KNL1: variants seen among roughly 807,000 people sequenced by gnomAD.
KNL1 encodes the protein outer kinetochore KNL1 complex subunit KNL1.
A neutral mutation model predicts 201.3 loss-of-function variants in KNL1; 66 were observed. The ratio of observed to expected loss-of-function variants is 0.33; its 90% CI spans 0.27 to 0.40. The LOEUF (loss-of-function observed/expected upper bound fraction) is 0.40. KNL1 is among the 10% of genes least tolerant of loss of function. The pLI is 1.00. For missense variants in KNL1, 2,815 were observed against 2,690.5 expected (o/e 1.05, Z -1.02); for synonymous variants, 895 against 899.2 (o/e 1.00, Z 0.08).
At chr15:40,655,371 A>C (rs1893692942) in intron 22 of KNL1, among the ~76,000 whole-genome samples, 1 of 152,056 alleles carries the variant, frequency 6.6e-6, no homozygotes. Flanking sequence ...AGGAAGGCAG[A>C]TCACAAGGTC....
intron 17 of KNL1, among the ~76,000 whole-genome samples, chr15:40,649,609 A>C (rs1893493867): frequency 7.1e-6 from 1 of 140,950 alleles, no homozygotes; most frequent in African/African-American, 2.6e-5. Flanking sequence ...CTTTTATTTA[A>C]AAAAAAAAAA....
In KNL1 at chr15:40,640,930, C is replaced by T. The variant is rs1433022828; in HGVS notation, c.5701C>T (p.Pro1901Ser). 6.2e-7 allele frequency: 1 copy of T among 1,611,592 alleles called. No homozygotes were observed. The highest frequency in any genetic ancestry group is 1.7e-5 in the Admixed American group (1 of 59,912). ...LPGNFTVNTPPTPEDLMLSQY... is the reference protein window; with the variant it reads ...LPGNFTVNTPSTPEDLMLSQY... Reference sequence around the variant, plus strand: ...TTTCCAGTTTACTGTAAACACACCACCTACTCCAGAAGACCTGATGTTAAG... The same window carrying T: ...TTTCCAGTTTACTGTAAACACACCATCTACTCCAGAAGACCTGATGTTAAG... Residue 1901 changes from proline to serine, a missense_variant, in exon 14 of 26, where the codon CCT (proline) becomes TCT (serine). Transcript: ENST00000399668.
chr15:40,624,916 T>C lies in KNL1; in HGVS notation c.4652T>C (p.Val1551Ala), dbSNP rs759304703. ...EAPDPVITSN[V>A]PCFHSIKPNL... ...CCAGATCCTGTAATTACATCTAATG[T>C]TCCATGTTTTCATAGTATCAAACCA... The change falls in exon 10 of 26, where the codon GTT becomes GCT. Residue 1551 changes from valine (V) to alanine (A), a missense_variant. Physicochemically the swap from Val to Ala is moderately conservative, Grantham distance 64. Around this residue, in one of 3 missense-constraint regions of KNL1, gnomAD observed 2,464 missense variants for 2,291.7 expected, o/e 1.08. Coordinates refer to ENST00000399668, the MANE Select transcript of KNL1 (RefSeq NM_144508.5). The C allele has an allele frequency of 1.9e-6, 3 of 1,613,192 alleles. No individual in the cohort carries two copies. The East Asian group carries it at 6.7e-5, about 36-fold the overall frequency.
At chr15:40,659,771 C>T (rs980579351) in intron 25 of KNL1, among the ~76,000 whole-genome samples, 3 of 151,850 alleles carry the variant, frequency 2.0e-5, no homozygotes, top group South Asian at 2.1e-4. Flanking sequence ...TGAGCCACCG[C>T]GCCCAGCAAG....
chr15:40,624,458 A>G lies in KNL1; in HGVS notation c.4194A>G (p.Leu1398=), dbSNP rs1892667213. 1 of 1,613,842 alleles carries G rather than the reference A, an allele frequency of 6.2e-7. No individual in the cohort carries two copies. The highest frequency in any genetic ancestry group is 8.5e-7 in the Non-Finnish European group (1 of 1,179,850). ...ATCTGATTAAGGATCCACGAAATCT[A>G]TTGGCTAATCAAACTTTAGTATATA... The part of the protein sequence containing the change: ...DQDLIKDPRN[L]LANQTLVYSQ... Residue 1398 remains leucine (L), a synonymous_variant, in exon 10 of 26, where the codon CTA becomes CTG. Coordinates refer to ENST00000399668, the MANE Select transcript of KNL1 (RefSeq NM_144508.5).
intron 1 of KNL1, among the ~76,000 whole-genome samples, chr15:40,600,340 G>A (rs559243503): frequency 4.6e-5 from 7 of 152,358 alleles, no homozygotes; most frequent in Admixed American, 2.6e-4. Context: ...CTCCCAAAGT[G>A]TTGGGATTAC....
chr15:40,633,778 GC>G (rs1429918601), intron 13 of KNL1, among the ~76,000 whole-genome samples: 1 of 152,206 alleles, frequency 6.6e-6, no homozygotes, highest in East Asian at 1.9e-4. Flanking sequence ...CTGGCCTCAA[GC>G]AATCCTATTT....
intron 22 of KNL1, among the ~76,000 whole-genome samples, chr15:40,655,915 C>CAA (rs201727545): frequency 7.7e-5 from 5 of 65,144 alleles, no homozygotes; most frequent in Non-Finnish European, 6.5e-5. Flanking sequence ...GACTCCGTCT[C>CAA]AAAAAAAAAA....
chr15:40,618,806 T>TA (rs1053671331), intron 8 of KNL1, among the ~76,000 whole-genome samples, 153 bp from the exon 9 acceptor site: 1 of 152,172 alleles, frequency 6.6e-6, no homozygotes, highest in Non-Finnish European at 1.5e-5. Flanking sequence ...TATCAATTTT[T>TA]AAAAAATTAA....
At chr15:40,655,141 T>TA (rs1285359402) in intron 22 of KNL1, among the ~76,000 whole-genome samples, 164 bp downstream of exon 22, 1 of 148,800 alleles carries the variant, frequency 6.7e-6, no homozygotes, top group Admixed American at 6.7e-5. Flanking sequence ...CTGCTAAAAA[T>TA]ACAAAAACTA....
chr15:40,655,941 G>A (rs1465629451), intron 22 of KNL1, among the ~76,000 whole-genome samples: 1 of 151,676 alleles, frequency 6.6e-6, no homozygotes, highest in African/African-American at 2.4e-5. Context: ...AATTATTACT[G>A]GGTCTTGAGC....
rs760023995 is a variant in KNL1, at chr15:40,621,477, G to A, written c.1213G>A (p.Asp405Asn). The change falls in exon 10 of 26, where the codon GAT becomes AAT. Residue 405 changes from aspartate (D) to asparagine (N), a missense_variant. By Grantham distance (23) the Asp-to-Asn change is conservative. Transcript: ENST00000399668. ...CATAGTCTCACAGACTTGTAATCAG[G>A]ATGCCAGAATATTAGCCATGACCCC... ...THIVSQTCNQ[D>N]ARILAMTPES... 4.3e-6 allele frequency: 7 copies of A among 1,613,836 alleles called. No homozygotes were observed. The Admixed American group carries it at 8.3e-5, about 19-fold the overall frequency.
At chr15:40,650,258 C>A in intron 17 of KNL1, 43 bp from the exon 18 acceptor site, 1 of 1,189,076 alleles carries the variant, frequency 8.4e-7, no homozygotes, top group Non-Finnish European at 1.2e-6. Flanking sequence ...TCTTTTTTTA[C>A]TATTTTTCAC....
chr15:40,640,304 C>A (rs1027014133), intron 13 of KNL1, among the ~76,000 whole-genome samples: 1 of 151,840 alleles, frequency 6.6e-6, no homozygotes, highest in African/African-American at 2.4e-5. Flanking sequence ...ACCTATTGGC[C>A]AGGCTGGTCT....
chr15:40,622,062 G>A lies in KNL1; in HGVS notation c.1798G>A (p.Glu600Lys). 2 of 1,613,958 alleles carry A rather than the reference G, an allele frequency of 1.2e-6. No homozygotes were observed. Among genetic ancestry groups the A allele is most frequent in the Non-Finnish European group, 1.7e-6 (2 of 1,179,884 alleles). ...TAATCTAGCACCGGAGAGTACCAGT[G>A]AATCTCACTCTCAGAGCAAAAGCTC... ...AYNLAPESTS[E>K]SHSQSKSSSD... Residue 600 changes from glutamate (E) to lysine (K), a missense_variant, in exon 10 of 26, where the codon GAA (glutamate) becomes AAA (lysine). Around this residue, in one of 3 missense-constraint regions of KNL1, gnomAD observed 2,464 missense variants for 2,291.7 expected, o/e 1.08. Coordinates refer to ENST00000399668, the MANE Select transcript of KNL1 (RefSeq NM_144508.5).
chr15:40,659,894 ATGTGTGTGTGTGTGTGTG>A (rs776409302), intron 25 of KNL1, among the ~76,000 whole-genome samples: 1 of 146,872 alleles, frequency 6.8e-6, no homozygotes, highest in African/African-American at 2.5e-5. Flanking sequence ...TGAAGAATTT[ATGTGTGTGTGTGTGTGTG>A]TGTGTGTGTG....
Position 40,624,058 on chromosome 15 carries a change from G to A in KNL1, c.3794G>A (p.Cys1265Tyr). 4 of 1,614,004 alleles carry A rather than the reference G, an allele frequency of 2.5e-6. No homozygotes were observed. The highest frequency in any genetic ancestry group is 2.5e-6 in the Non-Finnish European group (3 of 1,179,950). The change falls in exon 10 of 26, where the codon TGT (cysteine) becomes TAT (tyrosine). Residue 1265 changes from cysteine to tyrosine, a missense_variant. Cys to Tyr is a radical substitution (Grantham distance 194). Coordinates refer to ENST00000399668, the MANE Select transcript of KNL1 (RefSeq NM_144508.5). ...KVIGKVVDQA[C>Y]TLEKAQVESC... is the part of the protein sequence containing the mutation. Reference sequence around the variant, plus strand: ...ATAGGGAAAGTTGTAGACCAGGCCTGTACATTGGAAAAAGCGCAAGTTGAA... The same window carrying A: ...ATAGGGAAAGTTGTAGACCAGGCCTATACATTGGAAAAAGCGCAAGTTGAA...
At chr15:40,619,088 G>A (rs1892433984) in intron 9 of KNL1, 77 bp downstream of exon 9, 5 of 1,015,978 alleles carry the variant, frequency 4.9e-6, no homozygotes, top group Middle Eastern at 2.1e-4. Flanking sequence ...CAATGATAAT[G>A]GCATAGTTTA....
At chr15:40,645,273 A>G (rs1297361322) in intron 15 of KNL1, among the ~76,000 whole-genome samples, 186 bp downstream of exon 15, 1 of 152,248 alleles carries the variant, frequency 6.6e-6, no homozygotes, top group African/African-American at 2.4e-5. Context: ...CAAACCTGAG[A>G]TGATCAATTT....
Sources: gnomAD v4.1 joint callset for allele counts (sites outside exome capture counted in the v4.1 genomes callset) on GRCh38, gnomAD v4.1.1 for gene constraint, gnomAD v4.1.1 regional missense constraint, MANE v1.5 for transcripts, NCBI Gene and HGNC (gene_info 2026-07-23, HGNC 2026-07-21) for gene names.